Variants in PCDH7 observed in about 807,000 individuals in gnomAD.
PCDH7 encodes protocadherin 7.
In PCDH7, 17 loss-of-function variants were observed where a neutral mutation model predicts 58.9. That is an observed-to-expected ratio of 0.29 (90% CI 0.20 to 0.43). The LOEUF (loss-of-function observed/expected upper bound fraction) is 0.43. Ranked by LOEUF, PCDH7 falls within the 20% of genes least tolerant of loss-of-function variation. PCDH7 has a pLI of 1.00. For synonymous variants in PCDH7, 664 were observed against 616.4 expected, an observed-to-expected ratio of 1.08 and a Z score of -1.14; for missense variants, 1,274 against 1,441.0, an observed-to-expected ratio of 0.88 and a Z score of 1.88.
intron 3 of PCDH7, among the ~76,000 whole-genome samples, chr4:31,024,191 G>A (rs1382620379): frequency 2.0e-5 from 3 of 152,116 alleles, no homozygotes; most frequent in African/African-American, 4.8e-5. Context: ...AAAAATATGC[G>A]CTTTTTTCAG....
At chr4:30,895,746 T>C (rs1214668433) in intron 1 of PCDH7, among the ~76,000 whole-genome samples, 1 of 152,190 alleles carries the variant, frequency 6.6e-6, no homozygotes, top group Non-Finnish European at 1.5e-5. Context: ...GGATGGACTT[T>C]GCTGTGGCCC....
At chr4:30,829,509 T>C (rs561945804) in intron 1 of PCDH7, among the ~76,000 whole-genome samples, 6 of 152,152 alleles carry the variant, frequency 3.9e-5, no homozygotes, top group South Asian at 2.1e-4. Context: ...TTTTGCTCTT[T>C]AGAAGCAAAG....
chr4:31,082,637 G>C (rs1275068206), intron 3 of PCDH7, among the ~76,000 whole-genome samples: 1 of 152,130 alleles, frequency 6.6e-6, no homozygotes, highest in South Asian at 2.1e-4. Flanking sequence ...AACTTGGATG[G>C]AGCTGGAGGC....
chr4:30,824,080 TTTCTTTCTTTC>T (rs1728720303), intron 1 of PCDH7, among the ~76,000 whole-genome samples: 1 of 9,954 alleles, frequency 1.0e-4, no homozygotes, highest in East Asian at 2.8e-3. Context: ...CGGGGTTTCT[TTTCTTTCTTTC>T]TTTCTTTCTT....
chr4:30,721,547 G>A lies in PCDH7; in HGVS notation c.125G>A (p.Gly42Asp), dbSNP rs751226421. The A allele has an allele frequency of 1.9e-6, 3 of 1,602,112 alleles. No individual in the cohort carries two copies. Among genetic ancestry groups the A allele is most frequent in the Non-Finnish European group, 2.5e-6 (3 of 1,179,662 alleles). ...CTCCGGTACCGGCTGGCCGAGGAGG[G>A]CCCCGCCGACGTCCGCATCGGCAAC... The change falls in exon 1 of 2, where the codon GGC becomes GAC. Residue 42 changes from glycine to aspartate, a missense_variant. Transcript: ENST00000361762. This position sits in a 1 kb window ranked among gnomAD's most constrained non-coding sequence, Gnocchi z 6.7.
chr4:30,976,080 C>A (rs1429557103), intron 3 of PCDH7, among the ~76,000 whole-genome samples: 1 of 152,198 alleles, frequency 6.6e-6, no homozygotes, highest in Non-Finnish European at 1.5e-5. Context: ...GCTTTAGTAT[C>A]TGATACAGGC....
intron 3 of PCDH7, among the ~76,000 whole-genome samples, chr4:31,066,071 C>T (rs1327839660): frequency 6.6e-6 from 1 of 151,804 alleles, no homozygotes; most frequent in East Asian, 1.9e-4. Flanking sequence ...CAATGATCAC[C>T]ATCCTGTTTC....
At chr4:30,970,124 T>C (rs1749424129) in intron 3 of PCDH7, among the ~76,000 whole-genome samples, 2 of 152,204 alleles carry the variant, frequency 1.3e-5, no homozygotes, top group Admixed American at 1.3e-4. Context: ...TGCTGCTTCA[T>C]GTGAATTATA....
chr4:30,909,915 A>T (rs1741503992), intron 1 of PCDH7, among the ~76,000 whole-genome samples: 1 of 152,202 alleles, frequency 6.6e-6, no homozygotes, highest in African/African-American at 2.4e-5. Context: ...ACGCTACTTG[A>T]CTTCAAACTA....
chr4:30,958,635 A>G (rs1265375259), intron 3 of PCDH7, among the ~76,000 whole-genome samples: 1 of 151,984 alleles, frequency 6.6e-6, no homozygotes, highest in African/African-American at 2.4e-5. Flanking sequence ...TTTTAACAAA[A>G]TTAATTTAAT....
chr4:30,891,656 A>C (rs927470821), intron 1 of PCDH7, among the ~76,000 whole-genome samples: 12 of 152,052 alleles, frequency 7.9e-5, no homozygotes, highest in African/African-American at 2.9e-4. Flanking sequence ...CAGCAACAAC[A>C]AACTCCATCA....
chr4:31,034,340 CAA>C (rs1319921850), intron 3 of PCDH7, among the ~76,000 whole-genome samples: 1 of 152,050 alleles, frequency 6.6e-6, no homozygotes, highest in Non-Finnish European at 1.5e-5. Flanking sequence ...AAATCTAAGC[CAA>C]GTTACCTAAT....
chr4:31,049,242 A>G (rs2109217436), intron 3 of PCDH7, among the ~76,000 whole-genome samples: 1 of 152,116 alleles, frequency 6.6e-6, no homozygotes, highest in East Asian at 1.9e-4. Flanking sequence ...GAGTGAGAAC[A>G]TGCGGTGTTT....
At chr4:31,021,767 A>T (rs1315561253) in intron 3 of PCDH7, among the ~76,000 whole-genome samples, 20 of 152,112 alleles carry the variant, frequency 1.3e-4, no homozygotes, top group Admixed American at 1.3e-3. Flanking sequence ...AATTTCAAGG[A>T]AGGTGAGTAA....
chr4:31,125,346 G>T (rs1718173578), intron 3 of PCDH7, among the ~76,000 whole-genome samples: 1 of 152,144 alleles, frequency 6.6e-6, no homozygotes, highest in South Asian at 2.1e-4. Context: ...CTTATTTAAA[G>T]CTAAGACTTT....
chr4:31,142,106 T>G (rs1437936907), intron 3 of PCDH7, among the ~76,000 whole-genome samples: 1 of 152,210 alleles, frequency 6.6e-6, no homozygotes, highest in African/African-American at 2.4e-5. Flanking sequence ...GATTTAATAA[T>G]TTTTCTTATG....
intron 1 of PCDH7, among the ~76,000 whole-genome samples, chr4:30,794,574 T>C (rs1047530521): frequency 2.0e-5 from 3 of 152,164 alleles, no homozygotes; most frequent in Non-Finnish European, 4.4e-5. Flanking sequence ...AAATCTAATT[T>C]CATTGTTATG....
intron 1 of PCDH7, among the ~76,000 whole-genome samples, chr4:30,888,284 A>T (rs928720032): frequency 6.6e-6 from 1 of 152,078 alleles, no homozygotes; most frequent in Non-Finnish European, 1.5e-5. Flanking sequence ...TGAAACACAC[A>T]CACACATACA....
chr4:31,100,144 A>G (rs2109299253), intron 3 of PCDH7, among the ~76,000 whole-genome samples: 1 of 152,302 alleles, frequency 6.6e-6, no homozygotes, highest in African/African-American at 2.4e-5. Context: ...GATAGCTCCA[A>G]TTTCTTTAGC....
Sources: allele counts gnomAD v4.1 joint callset (sites outside exome capture counted in the v4.1 genomes callset), GRCh38; gene constraint gnomAD v4.1.1; non-coding constraint Gnocchi (gnomAD v3.1); transcripts MANE v1.5; gene names NCBI Gene and HGNC (gene_info 2026-07-23, HGNC 2026-07-21).